Variants in STXBP5 observed in about 807,000 individuals in gnomAD.
STXBP5 encodes the protein syntaxin binding protein 5, also known as syntaxin-binding protein 5.
In STXBP5, 50 loss-of-function variants were observed where a neutral mutation model predicts 152.4. The observed-to-expected ratio is 0.33, with a 90% confidence interval of 0.26 to 0.42. The LOEUF (loss-of-function observed/expected upper bound fraction) is 0.42. STXBP5 is among the 10% of genes least tolerant of loss of function. The probability of loss-of-function intolerance (pLI) is 1.00; values close to 1 mark genes in which losing one functional copy is unlikely to be tolerated. For missense variants in STXBP5, 1,167 were observed against 1,388.6 expected, an observed-to-expected ratio of 0.84 and a Z score of 2.54; for synonymous variants, 492 against 494.7, an observed-to-expected ratio of 0.99 and a Z score of 0.07.
At chr6:147,266,138 G>A (rs577647498) in intron 6 of STXBP5, among the ~76,000 whole-genome samples, 8 of 152,204 alleles carry the variant, frequency 5.3e-5, no homozygotes, top group African/African-American at 1.9e-4. Flanking sequence ...AGAATATACT[G>A]TAATGTATTG....
chr6:147,279,101 A>G (rs1429538589), intron 8 of STXBP5, among the ~76,000 whole-genome samples: 2 of 152,244 alleles, frequency 1.3e-5, no homozygotes, highest in African/African-American at 4.8e-5. Flanking sequence ...CCTAGACATC[A>G]GCCAAGGGCC....
intron 8 of STXBP5, among the ~76,000 whole-genome samples, chr6:147,282,908 A>G (rs1032599697): frequency 1.3e-5 from 2 of 152,102 alleles, no homozygotes; most frequent in South Asian, 2.1e-4. Context: ...GTGCCTTCCT[A>G]TATTAGAAGG....
chr6:147,346,372 G>A (rs1784330244), intron 21 of STXBP5, among the ~76,000 whole-genome samples: 2 of 152,188 alleles, frequency 1.3e-5, no homozygotes, highest in African/African-American at 4.8e-5. Context: ...TCTACTTCTT[G>A]TAGTGGTCTT....
intron 18 of STXBP5, among the ~76,000 whole-genome samples, chr6:147,329,617 CTTTTTTTTTTT>C (rs34913817): frequency 1.4e-5 from 1 of 71,708 alleles, no homozygotes; most frequent in Non-Finnish European, 2.4e-5. Flanking sequence ...GTTCTTCAGG[CTTTTTTTTTTT>C]TTTTTTTTTT....
At chr6:147,252,126 C>T (rs1223398746) in intron 4 of STXBP5, among the ~76,000 whole-genome samples, 1 of 152,028 alleles carries the variant, frequency 6.6e-6, no homozygotes, top group Non-Finnish European at 1.5e-5. Flanking sequence ...TAAGGAAAAA[C>T]CAGCACAAAA....
intron 4 of STXBP5, among the ~76,000 whole-genome samples, chr6:147,256,886 A>G (rs1313853350): frequency 6.6e-6 from 1 of 152,180 alleles, no homozygotes; most frequent in Non-Finnish European, 1.5e-5. Context: ...GGGTTAATCT[A>G]ATGGTTAATT....
At chr6:147,281,851 A>G (rs1187969346) in intron 8 of STXBP5, among the ~76,000 whole-genome samples, 1 of 152,210 alleles carries the variant, frequency 6.6e-6, no homozygotes, top group Non-Finnish European at 1.5e-5. Context: ...GAAGAGTTGT[A>G]GTTAAGCACT....
intron 4 of STXBP5, among the ~76,000 whole-genome samples, chr6:147,247,173 G>C (rs1186075515): frequency 1.3e-5 from 2 of 152,148 alleles, no homozygotes; most frequent in Non-Finnish European, 2.9e-5. Flanking sequence ...TGCACATGTT[G>C]AACAAGGAAA....
chr6:147,351,162 T>G (rs750883723), intron 21 of STXBP5, among the ~76,000 whole-genome samples: 2 of 152,218 alleles, frequency 1.3e-5, no homozygotes, highest in African/African-American at 4.8e-5. Flanking sequence ...ACCAGCAGCA[T>G]CAGCAGCTCC....
In STXBP5 at chr6:147,298,467, A is replaced by G. The variant is rs537065155; in HGVS notation, c.917+7295A>G. 2.0e-5 allele frequency among the ~76,000 whole-genome samples: 3 copies of G among 152,214 alleles called. No individual in the cohort carries two copies. In the South Asian group the frequency reaches 6.2e-4, roughly 32 times the overall value. ...CAAAGAAACAATGGATTTAAATTGC[A>G]ATGTAGACGAAGTGGATCTAACATA... is the stretch of plus-strand genomic sequence containing the variant. On this transcript the variant is annotated intron_variant, in intron 9 of 27. Coordinates refer to ENST00000321680, the MANE Select transcript of STXBP5 (RefSeq NM_001127715.4).
intron 7 of STXBP5, among the ~76,000 whole-genome samples, chr6:147,267,649 G>T (rs1779958686): frequency 6.6e-6 from 1 of 151,794 alleles, no homozygotes; most frequent in Non-Finnish European, 1.5e-5. Context: ...GCTTTTTCTG[G>T]CTGCATCCCC....
chr6:147,370,235 G>T lies in STXBP5; in HGVS notation c.3082-3496G>T, dbSNP rs150787337. Among the ~76,000 whole-genome samples, 12 of 152,182 alleles carry T rather than the reference G, an allele frequency of 7.9e-5. No homozygotes were observed. The East Asian group carries it at 1.3e-3, about 17-fold the overall frequency. ...AGATCAGCAATAACTTGGATATGGG[G>T]TTGTTAAAGAAGGAATGAGAGAAGG... On this transcript the variant is annotated intron_variant, in intron 25 of 27. Coordinates refer to ENST00000321680, the MANE Select transcript of STXBP5 (RefSeq NM_001127715.4).
intron 2 of STXBP5, among the ~76,000 whole-genome samples, chr6:147,226,865 C>A (rs1021418378): frequency 2.6e-5 from 4 of 152,142 alleles, no homozygotes; most frequent in Admixed American, 6.5e-5. Flanking sequence ...TAAGGAATAT[C>A]ATTCTATAGC....
chr6:147,335,598 C>A (rs1783782801), intron 19 of STXBP5, among the ~76,000 whole-genome samples: 1 of 152,006 alleles, frequency 6.6e-6, no homozygotes, highest in South Asian at 2.1e-4. Flanking sequence ...TTGAAATAAA[C>A]GTGATATTTG....
At chr6:147,363,278 C>T (rs981259068) in intron 23 of STXBP5, 57 bp from the exon 24 acceptor site, 12 of 1,482,678 alleles carry the variant, frequency 8.1e-6, no homozygotes, top group Non-Finnish European at 9.9e-6. Context: ...TTAGAATAAA[C>T]GTGTTTACTC....
rs1460694465 is a variant in STXBP5 at position 147,385,263 on chromosome 6, T to A, written c.*508T>A. On this transcript the variant is annotated 3_prime_UTR_variant, in exon 28 of 28. Transcript: ENST00000321680. ...ACTGACTGGTCATCAGTATCATTAG[T>A]GAAAAAGAAACAAATTGTTTGTTAT... 1 of 152,684 alleles carries A rather than the reference T, an allele frequency of 6.5e-6. No homozygotes were observed. Among genetic ancestry groups the A allele is most frequent in the Non-Finnish European group, 1.5e-5 (1 of 68,498 alleles). The allele number at this position is 152,684 out of a possible 1,614,324, so 9.5% of individuals were successfully genotyped here. A position where few individuals can be genotyped will look rare whatever the true frequency, so the allele number is the denominator to read the frequency against.
At chr6:147,300,183 T>G (rs1158056824) in intron 9 of STXBP5, among the ~76,000 whole-genome samples, 3 of 152,040 alleles carry the variant, frequency 2.0e-5, no homozygotes, top group Non-Finnish European at 2.9e-5. Context: ...GTGTATCTTT[T>G]TCATGGATTG....
intron 4 of STXBP5, among the ~76,000 whole-genome samples, chr6:147,251,691 C>T (rs968154579): frequency 1.3e-5 from 2 of 152,212 alleles, no homozygotes; most frequent in Non-Finnish European, 2.9e-5. Flanking sequence ...TTCCTGCCTG[C>T]CGGCTCTGAA....
chr6:147,207,001 A>C (rs1341168353), intron 2 of STXBP5, among the ~76,000 whole-genome samples: 1 of 152,046 alleles, frequency 6.6e-6, no homozygotes, highest in Non-Finnish European at 1.5e-5. Flanking sequence ...ATAAATAGAA[A>C]AAAAAAATCA....
Sources: allele counts gnomAD v4.1 joint callset (sites outside exome capture counted in the v4.1 genomes callset), GRCh38; gene constraint gnomAD v4.1.1; transcripts MANE v1.5; gene names NCBI Gene and HGNC (gene_info 2026-07-23, HGNC 2026-07-21).